Variants in ULK4 observed in about 807,000 individuals in gnomAD.
ULK4 encodes unc-51 like kinase 4, also known as inactive serine/threonine-protein kinase ULK4.
Under a neutral mutation model 160.6 loss-of-function variants are expected in ULK4, and 133 were observed. The ratio of observed to expected loss-of-function variants is 0.83; its 90% CI spans 0.72 to 0.96. The LOEUF (loss-of-function observed/expected upper bound fraction) is 0.96, where lower values mean the gene tolerates loss of function less well. Among genes scored for constraint, ULK4 ranks in the 40% least tolerant of loss-of-function variants. ULK4 has a pLI of 0.00. For missense variants in ULK4, 1,580 were observed against 1,499.5 expected (o/e 1.05, Z -0.89); for synonymous variants, 534 against 539.8 (o/e 0.99, Z 0.15).
At chr3:41,786,294 T>C (rs992058867) in intron 21 of ULK4, among the ~76,000 whole-genome samples, 20 of 152,038 alleles carry the variant, frequency 1.3e-4, no homozygotes, top group African/African-American at 4.8e-4. Context: ...GAGTTGAAAA[T>C]CATTTGGCCC....
At chr3:41,270,090 G>A (rs762809170) in intron 35 of ULK4, among the ~76,000 whole-genome samples, 9 of 152,136 alleles carry the variant, frequency 5.9e-5, no homozygotes, top group Non-Finnish European at 1.2e-4. Flanking sequence ...GATGAGCAAA[G>A]TTGTTAGCTA....
chr3:41,613,456 G>A (rs2032801845), intron 31 of ULK4, among the ~76,000 whole-genome samples: 1 of 151,758 alleles, frequency 6.6e-6, no homozygotes, highest in South Asian at 2.1e-4. Flanking sequence ...CTGGCTGAAA[G>A]CAATGGTAAA....
intron 30 of ULK4, among the ~76,000 whole-genome samples, chr3:41,627,788 A>T (rs921784634): frequency 2.0e-5 from 3 of 152,226 alleles, no homozygotes; most frequent in Non-Finnish European, 4.4e-5. Flanking sequence ...GGGAACAGAC[A>T]CGAAGAAAAC....
chr3:41,303,499 T>C (rs1412208955), intron 35 of ULK4, among the ~76,000 whole-genome samples: 4 of 152,318 alleles, frequency 2.6e-5, no homozygotes, highest in East Asian at 1.9e-4. Flanking sequence ...GCGAATTCAG[T>C]GAGGTTAGTG....
At chr3:41,901,172 C>CTTTTT (rs201425733) in intron 12 of ULK4, among the ~76,000 whole-genome samples, 49 of 119,902 alleles carry the variant, frequency 4.1e-4, no homozygotes, top group African/African-American at 1.3e-3. Context: ...AGCATGGCTT[C>CTTTTT]TTTTTTTTTT....
chr3:41,700,956 GAA>G (rs1467385883), intron 27 of ULK4, among the ~76,000 whole-genome samples: 2 of 151,892 alleles, frequency 1.3e-5, no homozygotes, highest in Non-Finnish European at 2.9e-5. Context: ...ACCAAAATTA[GAA>G]ACTCAACGTG....
At position 41,420,814 on chromosome 3, in the gene ULK4, T is replaced by TA. The variant is rs540329844; in HGVS notation, c.3493-22551dup. Among the ~76,000 whole-genome samples, 884 of 135,334 alleles carry TA rather than the reference T, an allele frequency of 6.5e-3. 8 individuals carry two copies. The highest frequency in any genetic ancestry group is 0.016 in the East Asian group (75 of 4,686). 88.8% of individuals were successfully genotyped at this position (135,334 alleles called of 152,430 possible). On this transcript the variant is annotated intron_variant, in intron 34 of 36. Transcript: ENST00000301831. Reference sequence around the variant, plus strand: ...TCTTTCAATTTAATGTCAGTATTATTAAAAAAAAAAAAAAGCCGGCCAGAC... The same window carrying TA: ...TCTTTCAATTTAATGTCAGTATTATTAAAAAAAAAAAAAAAGCCGGCCAGAC...
intron 35 of ULK4, among the ~76,000 whole-genome samples, chr3:41,342,904 C>T (rs889297443): frequency 3.3e-5 from 5 of 152,140 alleles, no homozygotes; most frequent in African/African-American, 9.7e-5. Context: ...ACCACATAAA[C>T]AGAACTAAAG....
intron 35 of ULK4, among the ~76,000 whole-genome samples, chr3:41,396,885 C>T (rs2082073561): frequency 6.6e-6 from 1 of 152,034 alleles, no homozygotes; most frequent in Non-Finnish European, 1.5e-5. Context: ...GGAGTCACAC[C>T]CATACAAAAG....
rs1488439216 is a variant in ULK4 at position 41,313,427 on chromosome 3, G to GT, written c.3679-63854dup. ...TCCTATTGCTGGTGCTTATTCTTCT[G>GT]TTTTTTCTTAGATAGTGGGACTATT... is the stretch of plus-strand genomic sequence containing the variant. On this transcript the variant is annotated intron_variant, in intron 35 of 36. Coordinates refer to ENST00000301831, the MANE Select transcript of ULK4 (RefSeq NM_017886.4). Among the ~76,000 whole-genome samples the GT allele has an allele frequency of 1.3e-5, 2 of 152,268 alleles. 1 individual carries two copies. Among genetic ancestry groups the GT allele is most frequent in the South Asian group, 4.1e-4 (2 of 4,824 alleles).
chr3:41,807,297 T>C (rs577657557), intron 19 of ULK4, among the ~76,000 whole-genome samples: 96 of 152,320 alleles, frequency 6.3e-4, no homozygotes, highest in African/African-American at 2.2e-3. Context: ...TAATACTCTG[T>C]TAATGATGAT....
At chr3:41,726,641 A>G (rs115716287) in intron 22 of ULK4, among the ~76,000 whole-genome samples, 1,749 of 152,232 alleles carry the variant, frequency 0.011, 17 homozygotes, top group Non-Finnish European at 0.019. Flanking sequence ...TTTGAGACAG[A>G]GTCTTACTCC....
chr3:41,402,326 T>C (rs1190761202), intron 34 of ULK4, among the ~76,000 whole-genome samples: 2 of 152,178 alleles, frequency 1.3e-5, no homozygotes, highest in South Asian at 2.1e-4. Flanking sequence ...TTTCTTCTTT[T>C]CCAACGGGTA....
chr3:41,400,272 A>C (rs1416564409), intron 34 of ULK4, among the ~76,000 whole-genome samples: 1 of 152,030 alleles, frequency 6.6e-6, no homozygotes, highest in Non-Finnish European at 1.5e-5. Context: ...TAACTTAATC[A>C]CATGTGTAGA....
intron 19 of ULK4, among the ~76,000 whole-genome samples, chr3:41,814,609 T>G (rs1339794028): frequency 6.6e-6 from 1 of 152,178 alleles, no homozygotes; most frequent in African/African-American, 2.4e-5. Flanking sequence ...ATTGCCCTCT[T>G]AGGGTTGCAA....
At chr3:41,474,913 T>A (rs764072993) in intron 32 of ULK4, among the ~76,000 whole-genome samples, 11 of 152,020 alleles carry the variant, frequency 7.2e-5, no homozygotes, top group Non-Finnish European at 1.5e-4. Context: ...GTATGACTAT[T>A]ATGGAAAAGT....
At chr3:41,403,527 T>C (rs1050204295) in intron 34 of ULK4, among the ~76,000 whole-genome samples, 7 of 152,208 alleles carry the variant, frequency 4.6e-5, no homozygotes, top group African/African-American at 7.2e-5. Context: ...ACTGATTTTT[T>C]TTCAGAGTCA....
At chr3:41,726,936 C>A (rs2037672555) in intron 22 of ULK4, among the ~76,000 whole-genome samples, 1 of 152,186 alleles carries the variant, frequency 6.6e-6, no homozygotes, top group African/African-American at 2.4e-5. Context: ...GCATGAGTCA[C>A]TGTGCCTAGC....
chr3:41,807,601 G>C (rs959129839), intron 19 of ULK4, among the ~76,000 whole-genome samples: 1 of 152,082 alleles, frequency 6.6e-6, no homozygotes, highest in Non-Finnish European at 1.5e-5. Context: ...AATTAAATGA[G>C]ATAGCACACA....
Sources: gnomAD v4.1 joint callset for allele counts (sites outside exome capture counted in the v4.1 genomes callset) on GRCh38, gnomAD v4.1.1 for gene constraint, MANE v1.5 for transcripts, NCBI Gene and HGNC (gene_info 2026-07-23, HGNC 2026-07-21) for gene names.